Variants in N4BP1 observed in about 807,000 individuals in gnomAD.
The protein encoded by N4BP1 is NEDD4-binding protein 1.
N4BP1 carries 21 observed loss-of-function variants against 70.9 expected under a neutral mutation model. That is an observed-to-expected ratio of 0.30 (90% CI 0.21 to 0.43). The LOEUF is 0.43. Ranked by LOEUF, N4BP1 falls within the 20% of genes least tolerant of loss-of-function variation. N4BP1 has a pLI of 1.00. For synonymous variants in N4BP1, 387 were observed against 394.6 expected, an observed-to-expected ratio of 0.98 and a Z score of 0.23; for missense variants, 936 against 1,069.4, an observed-to-expected ratio of 0.88 and a Z score of 1.74.
chr16:48,598,721 A>G (rs1343870900), intron 1 of N4BP1, among the ~76,000 whole-genome samples: 1 of 152,142 alleles, frequency 6.6e-6, no homozygotes. Flanking sequence ...ATAAAGCACA[A>G]GTGTCCCTTT....
intron 2 of N4BP1, among the ~76,000 whole-genome samples, chr16:48,555,326 C>T (rs1039404929): frequency 2.6e-5 from 4 of 152,178 alleles, no homozygotes; most frequent in Non-Finnish European, 5.9e-5. Flanking sequence ...GATCATACTC[C>T]GGCTTCCTCA....
At chr16:48,589,527 C>T (rs892986368) in intron 1 of N4BP1, among the ~76,000 whole-genome samples, 4 of 152,132 alleles carry the variant, frequency 2.6e-5, no homozygotes, top group East Asian at 3.9e-4. Context: ...TTCCCTCATA[C>T]CTTGCCCTAT....
chr16:48,557,161 T>C lies in N4BP1; in HGVS notation c.1890-3492A>G, dbSNP rs1597094272. Among the ~76,000 whole-genome samples, 5 of 152,190 alleles carry C rather than the reference T, an allele frequency of 3.3e-5. No individual in the cohort carries two copies. In the South Asian group the frequency reaches 8.3e-4, roughly 25 times the overall value. ...CAAATGAACAAAGGCTTTACAAAAA[T>C]ACATCGAAGGGTGGGCCTAGGCTGC... On this transcript the variant is annotated intron_variant, in intron 2 of 6. Coordinates refer to ENST00000262384, the MANE Select transcript of N4BP1 (RefSeq NM_153029.4).
chr16:48,548,323 T>A (rs936914983), intron 4 of N4BP1, among the ~76,000 whole-genome samples: 1 of 152,354 alleles, frequency 6.6e-6, no homozygotes, highest in East Asian at 1.9e-4. Flanking sequence ...ACAAAATAGA[T>A]TGTCTTTCAT....
chr16:48,546,110 G>T (rs762265768), intron 6 of N4BP1, 37 bp downstream of exon 6: 19 of 1,342,686 alleles, frequency 1.4e-5, no homozygotes, highest in South Asian at 1.1e-4. Context: ...AATTGAAATA[G>T]AAGTTTTAAT....
chr16:48,562,448 T>A lies in N4BP1; in HGVS notation c.199-4A>T, dbSNP rs756153447. 3 of 1,577,360 alleles carry A rather than the reference T, an allele frequency of 1.9e-6. No homozygotes were observed. Among genetic ancestry groups the A allele is most frequent in the Non-Finnish European group, 2.6e-6 (3 of 1,165,920 alleles). On this transcript the variant is annotated splice_polypyrimidine_tract_variant and splice_region_variant and intron_variant, in intron 1 of 6. Transcript: ENST00000262384. ...CACAGATTCCTTTAATATATTCCTG[T>A]AAAGAGAAAATAAGAAATTAGGTCA...
chr16:48,584,510 T>A (rs533140735), intron 1 of N4BP1, among the ~76,000 whole-genome samples: 4 of 152,294 alleles, frequency 2.6e-5, no homozygotes, highest in African/African-American at 7.2e-5. Context: ...GGTTGACAGA[T>A]AATTACAAGA....
intron 1 of N4BP1, among the ~76,000 whole-genome samples, chr16:48,570,535 T>C (rs1241512726): frequency 6.6e-6 from 1 of 152,136 alleles, no homozygotes; most frequent in Non-Finnish European, 1.5e-5. Context: ...TTAGTAGAGA[T>C]GGGGTTTCAC....
At chr16:48,585,237 CATT>C (rs1964227437) in intron 1 of N4BP1, among the ~76,000 whole-genome samples, 2 of 152,016 alleles carry the variant, frequency 1.3e-5, no homozygotes, top group African/African-American at 4.8e-5. Context: ...TCGGCCTACA[CATT>C]TTTTTTTTAA....
intron 1 of N4BP1, among the ~76,000 whole-genome samples, chr16:48,599,112 G>A (rs1290011594): frequency 2.6e-5 from 4 of 152,110 alleles, no homozygotes; most frequent in Admixed American, 6.5e-5. Context: ...TACAAGCTTG[G>A]AGAACTGGTA....
chr16:48,587,241 G>A (rs1217229601), intron 1 of N4BP1: 1 of 152,170 alleles, frequency 6.6e-6, no homozygotes, highest in African/African-American at 2.4e-5. Context: ...ACTGACTCAT[G>A]GACACAAACT....
At chr16:48,586,987 G>C (rs76292243) in intron 1 of N4BP1, among the ~76,000 whole-genome samples, 93 of 152,194 alleles carry the variant, frequency 6.1e-4, no homozygotes, top group Non-Finnish European at 7.2e-4. Flanking sequence ...TTAAGAAACA[G>C]TTATGTACTG....
chr16:48,590,303 C>T (rs1056166042), intron 1 of N4BP1, among the ~76,000 whole-genome samples: 16 of 152,152 alleles, frequency 1.1e-4, no homozygotes, highest in African/African-American at 3.9e-4. Context: ...TCCCAAGCCC[C>T]TACCTGCCAA....
rs982309378 is a variant in N4BP1 at position 48,542,919 on chromosome 16, G to A, written c.2676C>T (p.Ala892=). 11 of 1,608,378 alleles carry A rather than the reference G, an allele frequency of 6.8e-6. No individual in the cohort carries two copies. The highest frequency in any genetic ancestry group is 5.0e-5 in the Admixed American group (3 of 59,924). ...PYMKDLNALS[A]MVLD is the part of the protein sequence containing the mutation. ...AGCACAATCTTCAATCCAACACCATGGCAGAAAGCGCATTTAGATCTTTCA... is the reference window on the plus strand; with the variant it reads ...AGCACAATCTTCAATCCAACACCATAGCAGAAAGCGCATTTAGATCTTTCA... The change falls in exon 7 of 7, where the codon GCC becomes GCT. Residue 892 remains alanine, a synonymous_variant. Coordinates refer to ENST00000262384, the MANE Select transcript of N4BP1 (RefSeq NM_153029.4).
intron 1 of N4BP1, among the ~76,000 whole-genome samples, chr16:48,564,276 G>A (rs1567432995): frequency 2.0e-5 from 3 of 152,194 alleles, no homozygotes; most frequent in Non-Finnish European, 4.4e-5. Flanking sequence ...CTGGGGTACT[G>A]AAGACCTCTC....
intron 1 of N4BP1, among the ~76,000 whole-genome samples, chr16:48,591,471 G>C (rs1442153915): frequency 6.6e-6 from 1 of 152,000 alleles, no homozygotes; most frequent in Non-Finnish European, 1.5e-5. Flanking sequence ...ATTTCACATG[G>C]GAAGTTACCT....
In N4BP1 at chr16:48,553,553, T is replaced by A; in HGVS notation, c.2006A>T (p.Asp669Val). Residue 669 changes from aspartate to valine, a missense_variant, in exon 3 of 7, where the codon GAT becomes GTT. Transcript: ENST00000262384. ...VFVPQWRTRR[D>V]PNVTEQHFLT... ...GTTTGCCTCACCTGTGACATTAGGA[T>A]CACGCCTTGTTCTCCACTGAGGGAC... 6.4e-7 allele frequency: 1 copy of A among 1,570,390 alleles called. No homozygotes were observed. Among genetic ancestry groups the A allele is most frequent in the Non-Finnish European group, 8.6e-7 (1 of 1,161,384 alleles).
Position 48,604,821 on chromosome 16 carries a change from T to C in N4BP1, c.198+4954A>G, listed in dbSNP as rs1469234567. Among the ~76,000 whole-genome samples, 8 of 152,170 alleles carry C rather than the reference T, an allele frequency of 5.3e-5. No individual in the cohort carries two copies. The East Asian group carries it at 1.3e-3, about 26-fold the overall frequency. ...TTTATATAATTAAATCTGGATTCCT[T>C]GCTTCTCTTAGATAATAAGACTGGA... On this transcript the variant is annotated intron_variant, in intron 1 of 6. Transcript: ENST00000262384.
chr16:48,590,114 A>G (rs527752209), intron 1 of N4BP1, among the ~76,000 whole-genome samples: 1 of 152,232 alleles, frequency 6.6e-6, no homozygotes, highest in South Asian at 2.1e-4. Flanking sequence ...TGTAAAACCT[A>G]AAATTAGTGG....
Sources: allele counts gnomAD v4.1 joint callset (sites outside exome capture counted in the v4.1 genomes callset), GRCh38; gene constraint gnomAD v4.1.1; transcripts MANE v1.5; gene names NCBI Gene and HGNC (gene_info 2026-07-23, HGNC 2026-07-21).